NCOA1: variants seen among roughly 807,000 people sequenced by gnomAD.
The protein encoded by NCOA1 is nuclear receptor coactivator 1.
A neutral mutation model predicts 150.9 loss-of-function variants in NCOA1; 35 were observed. The ratio of observed to expected loss-of-function variants is 0.23; its 90% CI spans 0.18 to 0.31. The LOEUF (loss-of-function observed/expected upper bound fraction) is 0.31. NCOA1 is among the 10% of genes least tolerant of loss of function. The pLI is 1.00. For missense variants in NCOA1, 1,491 were observed against 1,749.3 expected, an observed-to-expected ratio of 0.85 and a Z score of 2.63; for synonymous variants, 590 against 630.0, an observed-to-expected ratio of 0.94 and a Z score of 0.95.
At chr2:24,557,872 T>G (rs961772666) in intron 1 of NCOA1, among the ~76,000 whole-genome samples, 1 of 151,954 alleles carries the variant, frequency 6.6e-6, no homozygotes, top group South Asian at 2.1e-4. Flanking sequence ...TCTCTCTAAC[T>G]TTGCGATTTT....
chr2:24,653,652 G>A (rs940547783), intron 4 of NCOA1, among the ~76,000 whole-genome samples: 4 of 151,920 alleles, frequency 2.6e-5, no homozygotes, highest in Non-Finnish European at 5.9e-5. Context: ...ATCCCAAAAG[G>A]GAGACAAAAT....
chr2:24,591,403 A>G (rs1032584553), intron 3 of NCOA1, among the ~76,000 whole-genome samples: 9 of 152,206 alleles, frequency 5.9e-5, no homozygotes, highest in Non-Finnish European at 1.2e-4. Context: ...CCTGCAAACT[A>G]GGAAAAAATT....
intron 3 of NCOA1, among the ~76,000 whole-genome samples, chr2:24,601,079 G>A (rs1668092058): frequency 1.3e-5 from 2 of 151,688 alleles, no homozygotes. Flanking sequence ...AATTTACATG[G>A]GAAGCTTTAC....
rs146089127 is a variant in NCOA1, at chr2:24,633,112, G to A, written c.-174-10854G>A. Among the ~76,000 whole-genome samples the A allele has an allele frequency of 2.0e-3, 302 of 151,000 alleles. 2 individuals carry two copies. The highest frequency in any genetic ancestry group is 6.6e-3 in the African/African-American group (271 of 41,126). The stretch of plus-strand genomic sequence containing the variant: ...TACATACATATATACATATACACAC[G>A]TACACATACAGCCATATATAGATAC... On this transcript the variant is annotated intron_variant, in intron 3 of 22. Transcript: ENST00000348332.
intron 22 of NCOA1, among the ~76,000 whole-genome samples, chr2:24,763,475 G>C (rs1262559990): frequency 2.7e-5 from 4 of 146,030 alleles, no homozygotes; most frequent in Non-Finnish European, 6.0e-5. Flanking sequence ...GGGGGGCGGA[G>C]CCTGCAGTGA....
chr2:24,605,843 A>G (rs1668339078), intron 3 of NCOA1, among the ~76,000 whole-genome samples: 1 of 152,326 alleles, frequency 6.6e-6, no homozygotes. Flanking sequence ...GCCATGCATC[A>G]TCATTCAGTT....
At chr2:24,638,009 ATAT>A (rs1257842228) in intron 3 of NCOA1, among the ~76,000 whole-genome samples, 6 of 151,166 alleles carry the variant, frequency 4.0e-5, no homozygotes, top group African/African-American at 7.3e-5. Context: ...ACTATACAAT[ATAT>A]TGTTTACTGT....
Position 24,770,178 on chromosome 2 carries a change from AT to A in NCOA1, c.*1790del, listed in dbSNP as rs1345747165. The A allele has an allele frequency of 9.9e-5, 23 of 231,592 alleles. No individual in the cohort carries two copies. Among genetic ancestry groups the A allele is most frequent in the African/African-American group, 5.1e-4 (23 of 45,328 alleles). 14.3% of individuals were successfully genotyped at this position (231,592 alleles called of 1,614,324 possible). ...TAGTTTTTCAGAAAATGCATCCCTG[AT>A]TTCATTCATTTCCAGCTTGAAAGCC... On this transcript the variant is annotated 3_prime_UTR_variant, in exon 23 of 23. Coordinates refer to ENST00000348332, the MANE Select transcript of NCOA1 (RefSeq NM_003743.5).
intron 3 of NCOA1, among the ~76,000 whole-genome samples, chr2:24,625,364 C>CA (rs35143423): frequency 0.057 from 4,672 of 82,074 alleles, 158 homozygotes; most frequent in East Asian, 0.21. Flanking sequence ...GACTCTGCCT[C>CA]AAAAAAAAAA....
chr2:24,540,629 T>G (rs1665351579), intron 1 of NCOA1, among the ~76,000 whole-genome samples: 1 of 152,118 alleles, frequency 6.6e-6, no homozygotes, highest in Admixed American at 6.5e-5. Context: ...TGGCTAATTT[T>G]TATATTTTTA....
intron 7 of NCOA1, among the ~76,000 whole-genome samples, chr2:24,679,026 A>T (rs1672044559): frequency 1.3e-5 from 2 of 152,158 alleles, no homozygotes; most frequent in Admixed American, 6.5e-5. Flanking sequence ...GATGTCTTTT[A>T]TTCCCGGAAC....
chr2:24,692,697 C>T (rs1377677516), intron 9 of NCOA1, among the ~76,000 whole-genome samples: 1 of 152,164 alleles, frequency 6.6e-6, no homozygotes, highest in Non-Finnish European at 1.5e-5. Context: ...CATCTCTCTC[C>T]TCTGGTATAT....
chr2:24,764,159 G>A (rs1233587870), intron 22 of NCOA1, among the ~76,000 whole-genome samples: 1 of 152,148 alleles, frequency 6.6e-6, no homozygotes, highest in Non-Finnish European at 1.5e-5. Flanking sequence ...TTTCTTCACA[G>A]ATGAAGAAAC....
At chr2:24,763,455 C>T (rs1049170583) in intron 22 of NCOA1, among the ~76,000 whole-genome samples, 13 of 148,130 alleles carry the variant, frequency 8.8e-5, no homozygotes, top group African/African-American at 3.2e-4. Context: ...AGGAGAATGG[C>T]ATGAACCCCG....
intron 1 of NCOA1, among the ~76,000 whole-genome samples, chr2:24,523,797 G>A (rs1438312029): frequency 2.0e-5 from 3 of 149,552 alleles, no homozygotes; most frequent in Non-Finnish European, 3.0e-5. Context: ...GTGGTGGCGC[G>A]TGCCTGTAGT....
chr2:24,673,057 T>C (rs943132202), intron 6 of NCOA1, among the ~76,000 whole-genome samples: 2 of 152,220 alleles, frequency 1.3e-5, no homozygotes, highest in African/African-American at 4.8e-5. Context: ...TCAAAACTTC[T>C]GGTATGGACT....
intron 5 of NCOA1, among the ~76,000 whole-genome samples, chr2:24,662,345 T>C (rs1427585712): frequency 5.3e-5 from 8 of 152,190 alleles, no homozygotes; most frequent in Non-Finnish European, 1.0e-4. Flanking sequence ...AAAGTATAGG[T>C]AGCTGTGTTT....
intron 7 of NCOA1, chr2:24,676,520 C>G (rs1235599415): frequency 6.6e-6 from 1 of 152,402 alleles, no homozygotes; most frequent in Non-Finnish European, 1.5e-5. Flanking sequence ...AAAGGAGCAT[C>G]AGATGCGAAA....
intron 2 of NCOA1, among the ~76,000 whole-genome samples, chr2:24,576,782 T>C (rs1667009654): frequency 2.6e-5 from 4 of 152,190 alleles, no homozygotes; most frequent in Admixed American, 2.6e-4. Context: ...GAGTCCCTAG[T>C]TGTCTGTGGT....
Sources: allele counts gnomAD v4.1 joint callset (sites outside exome capture counted in the v4.1 genomes callset), GRCh38; gene constraint gnomAD v4.1.1; transcripts MANE v1.5; gene names NCBI Gene and HGNC (gene_info 2026-07-23, HGNC 2026-07-21).